The following MBP variants were observed in gnomAD, a reference collection of about 807,000 sequenced individuals.
MBP encodes myelin basic protein, also known as Golli-MBP.
In MBP, 16 loss-of-function variants were observed where a neutral mutation model predicts 35.8. That is an observed-to-expected ratio of 0.45 (90% confidence interval 0.30 to 0.68). The LOEUF is 0.68. Among genes scored for constraint, MBP ranks in the 30% least tolerant of loss-of-function variants. The probability of loss-of-function intolerance (pLI) is 0.08; values close to 1 mark genes in which losing one functional copy is unlikely to be tolerated. For synonymous variants in MBP, 143 were observed against 159.6 expected (o/e 0.90, Z 0.78); for missense variants, 380 against 404.7 (o/e 0.94, Z 0.52).
intron 2 of MBP, among the ~76,000 whole-genome samples, chr18:77,085,378 T>C (rs1975179182): frequency 6.6e-6 from 1 of 152,240 alleles, no homozygotes; most frequent in African/African-American, 2.4e-5. Context: ...TCTGAATGTG[T>C]AGCTTGGCCC....
intron 2 of MBP, among the ~76,000 whole-genome samples, chr18:77,082,704 C>T (rs1157014211): frequency 2.0e-5 from 3 of 151,918 alleles, no homozygotes; most frequent in African/African-American, 4.8e-5. Context: ...ACCAGGTGGT[C>T]TAGGGGACGC....
chr18:77,040,077 G>C (rs470318), intron 3 of MBP, among the ~76,000 whole-genome samples: 5,653 of 152,254 alleles, frequency 0.037, 353 homozygotes, highest in African/African-American at 0.13. Flanking sequence ...TTACCTAAAC[G>C]AATATGCACC....
intron 4 of MBP, chr18:77,015,507 T>G (rs1418794299): frequency 1.0e-6 from 1 of 985,402 alleles, no homozygotes. Flanking sequence ...GAAAAGAACA[T>G]GTCTACAAAT....
chr18:77,003,273 A>G (rs1193444165), intron 4 of MBP: 1 of 152,094 alleles, frequency 6.6e-6, no homozygotes, highest in Non-Finnish European at 1.5e-5. Flanking sequence ...ACCAACCAAC[A>G]TATCTCCTGG....
intron 3 of MBP, among the ~76,000 whole-genome samples, chr18:77,037,626 T>C (rs1972831050): frequency 6.6e-6 from 1 of 152,248 alleles, no homozygotes; most frequent in Non-Finnish European, 1.5e-5. Flanking sequence ...ACCAGTTTTG[T>C]GACTGAGCAG....
rs1015962363 is a variant in MBP at position 77,082,074 on chromosome 18, G to A, written c.52-15689C>T. 3.6e-4 allele frequency among the ~76,000 whole-genome samples: 54 copies of A among 151,670 alleles called. 1 individual carries two copies. The highest frequency in any genetic ancestry group is 3.4e-3 in the Middle Eastern group (1 of 294). On this transcript the variant is annotated intron_variant, in intron 2 of 8. Coordinates refer to ENST00000355994, the MANE Select transcript of MBP (RefSeq NM_001025101.2). The stretch of plus-strand genomic sequence containing the variant: ...TCACTGTGTTAGCCGGGATGGTTTC[G>A]ATCTCCTGACCTTGTGATCCGCCCG...
chr18:77,082,061 C>T (rs1312433628), intron 2 of MBP, among the ~76,000 whole-genome samples: 1 of 151,218 alleles, frequency 6.6e-6, no homozygotes, highest in East Asian at 2.0e-4. Flanking sequence ...ACTGTGTTAG[C>T]CGGGATGGTT....
chr18:77,056,526 GCA>G (rs890426250), intron 3 of MBP, among the ~76,000 whole-genome samples: 2 of 152,168 alleles, frequency 1.3e-5, no homozygotes, highest in African/African-American at 4.8e-5. Context: ...CCTGCGGGAG[GCA>G]GGGGCCTAAC....
At chr18:77,109,505 T>C (rs1001867700) in intron 1 of MBP, 1 of 152,236 alleles carries the variant, frequency 6.6e-6, no homozygotes. Context: ...AATGTGAAAC[T>C]GGCTGTTTTT....
In MBP at chr18:77,044,997, C is replaced by T. The variant is rs906224853; in HGVS notation, c.139+21301G>A. Among the ~76,000 whole-genome samples the T allele has an allele frequency of 6.7e-6, 1 of 149,794 alleles. No homozygotes were observed. The highest frequency in any genetic ancestry group is 2.5e-5 in the African/African-American group (1 of 40,608). On this transcript the variant is annotated intron_variant, in intron 3 of 8. Transcript: ENST00000355994. The surrounding 1 kb of genome is among the most constrained non-coding windows in gnomAD (Gnocchi z 4.4). ...GTGGAGTGTGTGAGTGTTCAAGATT[C>T]CCTACATAACGGGATACACACAGAT...
intron 2 of MBP, among the ~76,000 whole-genome samples, chr18:77,090,654 A>C (rs1975474420): frequency 6.6e-6 from 1 of 151,800 alleles, no homozygotes; most frequent in South Asian, 2.1e-4. Context: ...GTTTCCTAAC[A>C]CCTCACTTTG....
intron 4 of MBP, among the ~76,000 whole-genome samples, chr18:77,007,808 G>A (rs567558179): frequency 2.6e-5 from 4 of 152,344 alleles, no homozygotes; most frequent in East Asian, 3.9e-4. Flanking sequence ...AGGCAGCCAC[G>A]TGGACAAAGC....
At chr18:77,117,923 T>A (rs1329411129) in intron 1 of MBP, among the ~76,000 whole-genome samples, 2 of 3,106 alleles carry the variant, frequency 6.4e-4, no homozygotes, top group Admixed American at 5.2e-3. Context: ...GGGACGGGGG[T>A]CAGTGGGTTG....
At chr18:77,111,290 C>T (rs141644043) in intron 1 of MBP, among the ~76,000 whole-genome samples, 10 of 152,266 alleles carry the variant, frequency 6.6e-5, no homozygotes, top group East Asian at 3.9e-4. Context: ...CTAAGGGAAA[C>T]GCTACTGTGG....
intron 3 of MBP, among the ~76,000 whole-genome samples, chr18:77,043,688 C>A (rs533271483): frequency 6.6e-6 from 1 of 152,204 alleles, no homozygotes; most frequent in Non-Finnish European, 1.5e-5. Context: ...TTTGAACTTG[C>A]GTGCGTGCCC....
At chr18:77,003,409 G>T (rs1008609369) in intron 4 of MBP, 7 of 152,180 alleles carry the variant, frequency 4.6e-5, no homozygotes, top group African/African-American at 1.7e-4. Flanking sequence ...AAGGGCGAAT[G>T]AATTTGCTTT....
At chr18:77,005,018 C>A (rs1305589125) in intron 4 of MBP, 1 of 152,186 alleles carries the variant, frequency 6.6e-6, no homozygotes, top group African/African-American at 2.4e-5. Flanking sequence ...CTTGTGGGAC[C>A]CACATTGGGG....
intron 7 of MBP, chr18:76,985,738 C>A: frequency 4.0e-6 from 4 of 1,003,754 alleles, no homozygotes; most frequent in South Asian, 4.2e-5. Flanking sequence ...AGGGCAGGAA[C>A]CTCTCTGAGC....
chr18:77,123,373 GC>G (rs1466735003), intron 1 of MBP, among the ~76,000 whole-genome samples: 9 of 152,202 alleles, frequency 5.9e-5, no homozygotes, highest in Admixed American at 1.3e-4. Context: ...TCAACAAAAA[GC>G]TTTAGTATCA....
Sources: gnomAD v4.1 joint callset for allele counts (sites outside exome capture counted in the v4.1 genomes callset) on GRCh38, gnomAD v4.1.1 for gene constraint, Gnocchi (gnomAD v3.1) non-coding constraint, MANE v1.5 for transcripts, NCBI Gene and HGNC (gene_info 2026-07-23, HGNC 2026-07-21) for gene names.